The following KDM7A variants were observed in gnomAD, a reference collection of about 807,000 sequenced individuals.
The protein encoded by KDM7A is lysine-specific demethylase 7A.
A neutral mutation model predicts 114.8 loss-of-function variants in KDM7A; 28 were observed. The observed-to-expected ratio is 0.24, with a 90% CI of 0.18 to 0.33. The LOEUF (loss-of-function observed/expected upper bound fraction) is 0.33, where lower values mean the gene tolerates loss of function less well. KDM7A is among the 10% of genes least tolerant of loss of function. The pLI is 1.00. For synonymous variants in KDM7A, 423 were observed against 397.8 expected (o/e 1.06, Z -0.75); for missense variants, 942 against 1,142.5 (o/e 0.82, Z 2.53).
At chr7:140,092,288 A>G (rs1818034356) in intron 18 of KDM7A, 2 of 593,682 alleles carry the variant, frequency 3.4e-6, no homozygotes, top group Admixed American at 6.0e-5. Context: ...CGTTAAGTTA[A>G]GAAGGCGAAA....
intron 12 of KDM7A, among the ~76,000 whole-genome samples, chr7:140,100,375 A>C (rs1818180767): frequency 3.3e-5 from 5 of 152,038 alleles, no homozygotes; most frequent in Admixed American, 3.3e-4. Flanking sequence ...CTTCCTGCTA[A>C]AGTGCTAGCT....
chr7:140,153,465 G>A (rs988184726), intron 1 of KDM7A, among the ~76,000 whole-genome samples: 5 of 149,486 alleles, frequency 3.3e-5, no homozygotes, highest in African/African-American at 4.9e-5. Context: ...CAGCCTGGGC[G>A]ACAGAGCGAG....
At chr7:140,102,652 T>C (rs2116755389) in intron 11 of KDM7A, among the ~76,000 whole-genome samples, 1 of 152,318 alleles carries the variant, frequency 6.6e-6, no homozygotes, top group South Asian at 2.1e-4. Context: ...GGATTACCGG[T>C]GTTAAATTAG....
Position 140,142,051 on chromosome 7 carries a change from CAT to C in KDM7A, c.195-2863_195-2862del, listed in dbSNP as rs370539990. 2.0e-3 allele frequency among the ~76,000 whole-genome samples: 286 copies of C among 145,064 alleles called. 1 individual carries two copies. Among genetic ancestry groups the C allele is most frequent in the East Asian group, 7.7e-3 (39 of 5,078 alleles). ...ATATATTAAAAAGATATTTATATAT[CAT>C]ATATATATAAAAGATATTTATATAT... On this transcript the variant is annotated intron_variant, in intron 1 of 19. Transcript: ENST00000397560.
Position 140,088,725 on chromosome 7 carries a change from G to A in KDM7A, c.*2369C>T, listed in dbSNP as rs1184941384. On this transcript the variant is annotated 3_prime_UTR_variant, in exon 20 of 20. Transcript: ENST00000397560. ...GTTTTCTAACTTAGCCACTTATTAA[G>A]GGGCTAAAACTACTAAAAATGAATC... The A allele has an allele frequency of 5.2e-6, 2 of 386,668 alleles. No individual in the cohort carries two copies. The highest frequency in any genetic ancestry group is 2.1e-5 in the African/African-American group (1 of 48,310). The allele number at this position is 386,668 out of a possible 1,614,324, so 24.0% of individuals were successfully genotyped here.
intron 10 of KDM7A, among the ~76,000 whole-genome samples, chr7:140,111,914 T>C (rs927269327): frequency 6.7e-6 from 1 of 149,844 alleles, no homozygotes; most frequent in African/African-American, 2.5e-5. Flanking sequence ...CACTACACTC[T>C]AGTCTGCACA....
In KDM7A at chr7:140,089,619, C is replaced by G; in HGVS notation, c.*1475G>C. The G allele has an allele frequency of 6.6e-6, 1 of 151,984 alleles. No homozygotes were observed. Among genetic ancestry groups the G allele is most frequent in the East Asian group, 1.9e-4 (1 of 5,188 alleles). The allele number at this position is 151,984 out of a possible 1,614,324, so 9.4% of individuals were successfully genotyped here. ...AGACTTGGGAACATTTCTGCCCCAC[C>G]CCCAGAAATCACTTATTTTTATGCC... On this transcript the variant is annotated 3_prime_UTR_variant, in exon 20 of 20. Transcript: ENST00000397560.
chr7:140,163,714 A>G (rs773667409), intron 1 of KDM7A, among the ~76,000 whole-genome samples: 3 of 152,116 alleles, frequency 2.0e-5, no homozygotes, highest in Non-Finnish European at 2.9e-5. Context: ...AATATTACAT[A>G]TTAAATTATA....
chr7:140,132,918 G>A (rs1818812722), intron 3 of KDM7A, among the ~76,000 whole-genome samples: 1 of 152,168 alleles, frequency 6.6e-6, no homozygotes, highest in African/African-American at 2.4e-5. Context: ...ATGATCTTGT[G>A]TAAAAGCCTA....
chr7:140,171,646 A>ATATATT (rs1340125804), intron 1 of KDM7A, among the ~76,000 whole-genome samples: 1 of 146,144 alleles, frequency 6.8e-6, no homozygotes, highest in South Asian at 2.1e-4. Flanking sequence ...TTTATTTTAT[A>ATATATT]TATATTTATA....
intron 1 of KDM7A, among the ~76,000 whole-genome samples, chr7:140,152,870 C>CT (rs1262244213): frequency 1.3e-5 from 2 of 151,444 alleles, no homozygotes; most frequent in Non-Finnish European, 2.9e-5. Context: ...TTTGTAATTC[C>CT]TTTTTTTTGA....
chr7:140,126,593 A>G (rs1308762013), intron 6 of KDM7A, 44 bp downstream of exon 6: 7 of 1,260,640 alleles, frequency 5.6e-6, no homozygotes, highest in Non-Finnish European at 7.7e-6. Flanking sequence ...AACTAGGGCT[A>G]TATGTTTTTG....
At chr7:140,147,821 A>G (rs905197377) in intron 1 of KDM7A, among the ~76,000 whole-genome samples, 4 of 152,198 alleles carry the variant, frequency 2.6e-5, no homozygotes, top group Admixed American at 2.0e-4. Flanking sequence ...ACACATATCA[A>G]CTGGCTTCAA....
rs979723647 is a variant in KDM7A at position 140,111,118 on chromosome 7, A to G, written c.1405T>C (p.Ser469Pro). ...ACCTCTATTGCTCGAATTACTTTAG[A>G]AAGTTCTTTAATAAGGTGTCCAGGT... is the stretch of plus-strand genomic sequence containing the variant. ...VRPGHLIKEL[S>P]KVIRAIEEEN... is the part of the protein sequence containing the mutation. The change falls in exon 11 of 20, where the codon TCT (serine) becomes CCT (proline). Residue 469 changes from serine (S) to proline (P), a missense_variant. Physicochemically the swap from Ser to Pro is moderately conservative, Grantham distance 74. This residue lies in a region of KDM7A where 512 missense variants were observed against 576.6 expected (regional missense o/e 0.89). Coordinates refer to ENST00000397560, the MANE Select transcript of KDM7A (RefSeq NM_030647.2). 6 of 1,599,318 alleles carry G rather than the reference A, an allele frequency of 3.8e-6. No individual in the cohort carries two copies. The highest frequency in any genetic ancestry group is 5.1e-6 in the Non-Finnish European group (6 of 1,167,814).
rs1022783062 is a variant in KDM7A at position 140,133,529 on chromosome 7, G to T, written c.398+10C>A. On this transcript the variant is annotated intron_variant, in intron 3 of 19. Transcript: ENST00000397560. ...CTTACATTTTCTTTTATCAGAGTAA[G>T]TTTCCATACCTTGGGAAGACTCGAG... 7.0e-6 allele frequency: 10 copies of T among 1,437,518 alleles called. No individual in the cohort carries two copies. The highest frequency in any genetic ancestry group is 9.8e-6 in the Non-Finnish European group (10 of 1,023,454). The allele number at this position is 1,437,518 out of a possible 1,614,324, so 89.0% of individuals were successfully genotyped here.
intron 2 of KDM7A, among the ~76,000 whole-genome samples, chr7:140,135,905 GAA>G (rs61148786): frequency 0.091 from 12,197 of 133,858 alleles, 699 homozygotes; most frequent in African/African-American, 0.17. Context: ...GTACTTAAAA[GAA>G]AAAAAAAAAA....
In KDM7A at chr7:140,176,870, A is replaced by T; in HGVS notation, c.68T>A (p.Val23Glu). The T allele has an allele frequency of 8.0e-7, 1 of 1,251,814 alleles. No individual in the cohort carries two copies. Among genetic ancestry groups the T allele is most frequent in the East Asian group, 3.7e-5 (1 of 26,738 alleles). 77.5% of individuals were successfully genotyped at this position (1,251,814 alleles called of 1,614,324 possible). Residue 23 changes from valine to glutamate, a missense_variant, in exon 1 of 20, where the codon GTG (valine) becomes GAG (glutamate). By Grantham distance (121) the Val-to-Glu change is moderately radical (BLOSUM62 -2). Transcript: ENST00000397560. The surrounding 1 kb of genome is among the most constrained non-coding windows in gnomAD (Gnocchi z 4.4). ...AAGAAAAAVS[V>E]AAPGRASAPP... ...CGCCGAGGCCCGGCCGGGAGCCGCC[A>T]CCGACACGGCTGCCGCGGCGGCTCC...
chr7:140,146,842 G>A (rs1464526360), intron 1 of KDM7A, among the ~76,000 whole-genome samples: 2 of 152,206 alleles, frequency 1.3e-5, no homozygotes, highest in Non-Finnish European at 2.9e-5. Context: ...TTGAATTAAT[G>A]ACTAACCGAA....
chr7:140,151,266 G>A (rs1022242563), intron 1 of KDM7A, among the ~76,000 whole-genome samples: 2 of 152,178 alleles, frequency 1.3e-5, no homozygotes, highest in Non-Finnish European at 2.9e-5. Context: ...CATAGGAAGT[G>A]ACTTTCTATG....
Sources: gnomAD v4.1 joint callset for allele counts (sites outside exome capture counted in the v4.1 genomes callset) on GRCh38, gnomAD v4.1.1 for gene constraint, gnomAD v4.1.1 regional missense constraint, Gnocchi (gnomAD v3.1) non-coding constraint, MANE v1.5 for transcripts, NCBI Gene and HGNC (gene_info 2026-07-23, HGNC 2026-07-21) for gene names.